The following UBR3 variants were observed in gnomAD, a reference collection of about 807,000 sequenced individuals.
The protein encoded by UBR3 is ubiquitin protein ligase E3 component n-recognin 3, also known as E3 ubiquitin-protein ligase UBR3.
UBR3 carries 85 observed loss-of-function variants against 243.2 expected under a neutral mutation model. The ratio of observed to expected loss-of-function variants is 0.35; its 90% confidence interval spans 0.29 to 0.42. The LOEUF (loss-of-function observed/expected upper bound fraction) is 0.42. Among genes scored for constraint, UBR3 ranks in the 10% least tolerant of loss-of-function variants. The pLI, the probability that UBR3 is intolerant of heterozygous loss-of-function variation, is 1.00. For missense variants in UBR3, 1,686 were observed against 2,300.8 expected (o/e 0.73, Z 5.47); for synonymous variants, 748 against 799.8 (o/e 0.94, Z 1.09).
At chr2:169,923,892 T>C (rs1389716968) in intron 11 of UBR3, 37 bp from the exon 12 acceptor site, 1 of 1,491,248 alleles carries the variant, frequency 6.7e-7, no homozygotes. Flanking sequence ...TTCTATAAAA[T>C]AGTCTTTGAC....
At chr2:169,834,865 C>T (rs2082036527) in intron 1 of UBR3, among the ~76,000 whole-genome samples, 1 of 152,100 alleles carries the variant, frequency 6.6e-6, no homozygotes, top group Non-Finnish European at 1.5e-5. Context: ...TAGAATGTTA[C>T]AATGTAGATA....
intron 24 of UBR3, among the ~76,000 whole-genome samples, chr2:169,984,035 A>G (rs575199331): frequency 6.6e-6 from 1 of 152,264 alleles, no homozygotes; most frequent in South Asian, 2.1e-4. Context: ...CTATTACTCT[A>G]TCAGTTTTGC....
chr2:169,888,969 T>A (rs1422297802), intron 5 of UBR3, among the ~76,000 whole-genome samples: 1 of 152,218 alleles, frequency 6.6e-6, no homozygotes, highest in Non-Finnish European at 1.5e-5. Flanking sequence ...ATGCATATAG[T>A]CCCAATTCAC....
chr2:169,839,477 GT>G (rs2082218237), intron 1 of UBR3, among the ~76,000 whole-genome samples: 1 of 151,472 alleles, frequency 6.6e-6, no homozygotes. Context: ...GGTAACTGTA[GT>G]TTACAATAAT....
At chr2:170,012,164 A>T (rs2090103095) in intron 29 of UBR3, among the ~76,000 whole-genome samples, 1 of 152,160 alleles carries the variant, frequency 6.6e-6, no homozygotes, top group Non-Finnish European at 1.5e-5. Context: ...CGCTTGCTAA[A>T]TACCAAATTA....
At chr2:169,846,918 TAG>T (rs958195231) in intron 1 of UBR3, among the ~76,000 whole-genome samples, 1 of 152,146 alleles carries the variant, frequency 6.6e-6, no homozygotes, top group African/African-American at 2.4e-5. Flanking sequence ...ATTTTTTATA[TAG>T]AGACAAGGTT....
chr2:169,827,607 C>A lies in UBR3; in HGVS notation c.100C>A (p.His34Asn). ...LALDKAATAA[H>N]LKAALSRPDN... is the part of the protein sequence containing the mutation. ...CCTAGACAAGGCGGCCACCGCCGCGCACCTCAAGGCGGCCCTCAGCCGGCC... is the reference window on the plus strand; with the variant it reads ...CCTAGACAAGGCGGCCACCGCCGCGAACCTCAAGGCGGCCCTCAGCCGGCC... Residue 34 changes from histidine (H) to asparagine (N), a missense_variant, in exon 1 of 39, where the codon CAC (histidine) becomes AAC (asparagine). Coordinates refer to ENST00000272793, the MANE Select transcript of UBR3 (RefSeq NM_172070.4). 1 of 1,261,478 alleles carries A rather than the reference C, an allele frequency of 7.9e-7. No homozygotes were observed. The highest frequency in any genetic ancestry group is 3.7e-5 in the Admixed American group (1 of 27,138). 78.1% of individuals were successfully genotyped at this position (1,261,478 alleles called of 1,614,324 possible).
At position 169,927,632 on chromosome 2, in the gene UBR3, T is replaced by C. The variant is rs548377229; in HGVS notation, c.2424+227T>C. On this transcript the variant is annotated intron_variant, in intron 17 of 38. Transcript: ENST00000272793. ...CTCTTGGGGAACTCTTCTTAGACTT[T>C]AGGGTAGATTTCAGGACTGAATGAT... is the stretch of plus-strand genomic sequence containing the variant. Among the ~76,000 whole-genome samples the C allele has an allele frequency of 9.9e-5, 15 of 152,062 alleles. No individual in the cohort carries two copies. The South Asian group carries it at 3.1e-3, about 32-fold the overall frequency.
At chr2:169,848,668 T>C (rs2082563592) in intron 1 of UBR3, among the ~76,000 whole-genome samples, 1 of 151,706 alleles carries the variant, frequency 6.6e-6, no homozygotes, top group Non-Finnish European at 1.5e-5. Flanking sequence ...GAGTAATATA[T>C]ATGAGTAGAT....
At chr2:169,903,979 T>C (rs962773427) in intron 8 of UBR3, among the ~76,000 whole-genome samples, 4 of 152,218 alleles carry the variant, frequency 2.6e-5, no homozygotes, top group Non-Finnish European at 5.9e-5. Context: ...TGACTGGAGT[T>C]CTCGCTCATC....
intron 8 of UBR3, among the ~76,000 whole-genome samples, chr2:169,897,709 C>T (rs1338046736): frequency 1.3e-5 from 2 of 152,178 alleles, no homozygotes; most frequent in Admixed American, 1.3e-4. Flanking sequence ...CCATGGTGCC[C>T]AGGCTAGTCT....
chr2:169,981,318 A>G (rs2088720116), intron 24 of UBR3, among the ~76,000 whole-genome samples: 1 of 152,190 alleles, frequency 6.6e-6, no homozygotes, highest in Non-Finnish European at 1.5e-5. Context: ...CAGGTGATCA[A>G]GGTCAGCATC....
At chr2:169,831,323 T>C (rs980594188) in intron 1 of UBR3, among the ~76,000 whole-genome samples, 2 of 148,776 alleles carry the variant, frequency 1.3e-5, no homozygotes, top group East Asian at 2.0e-4. Context: ...TTTTTTCTTG[T>C]GTTTTTAGTA....
At chr2:169,866,150 C>CAAAAA (rs578054467) in intron 1 of UBR3, among the ~76,000 whole-genome samples, 714 of 53,370 alleles carry the variant, frequency 0.013, 49 homozygotes, top group Non-Finnish European at 0.015. Flanking sequence ...GACTGTGTCT[C>CAAAAA]AAAAAAAAAA....
At chr2:169,887,092 G>A (rs1261133862) in intron 5 of UBR3, among the ~76,000 whole-genome samples, 1 of 152,170 alleles carries the variant, frequency 6.6e-6, no homozygotes, top group Admixed American at 6.5e-5. Context: ...GGTTAATTTA[G>A]GTTGAGAAAC....
intron 3 of UBR3, 113 bp from the exon 4 acceptor site, chr2:169,877,381 G>C (rs2083658071): frequency 9.7e-6 from 9 of 923,162 alleles, no homozygotes; most frequent in Non-Finnish European, 1.4e-5. Context: ...ATTCATTCTA[G>C]GGCTCCCACT....
intron 36 of UBR3, among the ~76,000 whole-genome samples, chr2:170,076,060 T>TCAAC: frequency 6.6e-6 from 1 of 152,286 alleles, no homozygotes; most frequent in East Asian, 1.9e-4. Context: ...TAACTAAGCC[T>TCAAC]CAACCATTTT....
chr2:170,078,194 T>A, intron 36 of UBR3: 1 of 532,808 alleles, frequency 1.9e-6, no homozygotes, highest in Non-Finnish European at 3.6e-6. Flanking sequence ...CTTTGAATGT[T>A]CATAAGCCTC....
intron 31 of UBR3, among the ~76,000 whole-genome samples, chr2:170,030,696 A>G (rs1019766973): frequency 6.6e-6 from 1 of 152,192 alleles, no homozygotes; most frequent in Non-Finnish European, 1.5e-5. Flanking sequence ...TTTAAATCAC[A>G]TAAAGTAACT....
Sources: allele counts gnomAD v4.1 joint callset (sites outside exome capture counted in the v4.1 genomes callset), GRCh38; gene constraint gnomAD v4.1.1; transcripts MANE v1.5; gene names NCBI Gene and HGNC (gene_info 2026-07-23, HGNC 2026-07-21).